RYR2: variants seen among roughly 807,000 people sequenced by gnomAD.
The protein encoded by RYR2 is cardiac muscle ryanodine receptor-calcium release channel.
RYR2 carries 227 observed loss-of-function variants against 601.1 expected under a neutral mutation model. The ratio of observed to expected loss-of-function variants is 0.38; its 90% CI spans 0.34 to 0.42. The LOEUF (loss-of-function observed/expected upper bound fraction) is 0.42, where lower values mean the gene tolerates loss of function less well. Among genes scored for constraint, RYR2 ranks in the 10% least tolerant of loss-of-function variants. The pLI is 1.00. For synonymous variants in RYR2, 2,223 were observed against 2,175.1 expected (o/e 1.02, Z -0.61); for missense variants, 4,646 against 6,156.5 (o/e 0.75, Z 8.21).
intron 4 of RYR2, among the ~76,000 whole-genome samples, chr1:237,358,441 C>A (rs1396255009): frequency 1.3e-5 from 2 of 151,692 alleles, no homozygotes; most frequent in African/African-American, 2.4e-5. Context: ...CAGGAAAGGT[C>A]TGCTTTGATC....
chr1:237,064,703 A>G (rs1663311844), intron 1 of RYR2, among the ~76,000 whole-genome samples: 1 of 148,514 alleles, frequency 6.7e-6, no homozygotes, highest in Non-Finnish European at 1.5e-5. Flanking sequence ...GTCTCATGTG[A>G]ATACCTGCAG....
At chr1:237,350,571 C>CAAAA (rs1167546068) in intron 3 of RYR2, among the ~76,000 whole-genome samples, 16 of 26,962 alleles carry the variant, frequency 5.9e-4, no homozygotes, top group Non-Finnish European at 9.4e-4. Flanking sequence ...GACTCTGTCT[C>CAAAA]AAAAAAAAAA....
At chr1:237,621,374 A>G (rs1298355171) in intron 38 of RYR2, among the ~76,000 whole-genome samples, 2 of 152,140 alleles carry the variant, frequency 1.3e-5, no homozygotes, top group African/African-American at 4.8e-5. Flanking sequence ...AGTAAAATAA[A>G]CCTAAAGCAA....
chr1:237,057,285 A>G (rs1326598553), intron 1 of RYR2, among the ~76,000 whole-genome samples: 5 of 152,036 alleles, frequency 3.3e-5, no homozygotes, highest in African/African-American at 1.2e-4. Context: ...TCCCGGGTTC[A>G]AGCGATTCTT....
At chr1:237,049,876 C>T (rs78437107) in intron 1 of RYR2, among the ~76,000 whole-genome samples, 9,878 of 152,214 alleles carry the variant, frequency 0.065, 393 homozygotes, top group Middle Eastern at 0.15. Context: ...TTGTCCCAGC[C>T]GTGAAGTACT....
At chr1:237,387,118 C>T (rs906389730) in intron 8 of RYR2, among the ~76,000 whole-genome samples, 163 bp from the exon 9 acceptor site, 15 of 152,188 alleles carry the variant, frequency 9.9e-5, no homozygotes, top group Admixed American at 9.8e-4. Context: ...AGAGGAACTT[C>T]TTTTCTTCTG....
At chr1:237,379,211 A>AT (rs1439321977) in intron 8 of RYR2, among the ~76,000 whole-genome samples, 1 of 152,130 alleles carries the variant, frequency 6.6e-6, no homozygotes, top group Admixed American at 6.5e-5. Flanking sequence ...ATAACTATGA[A>AT]TTTTTTCTTG....
intron 84 of RYR2, among the ~76,000 whole-genome samples, chr1:237,763,853 C>G (rs1225395305): frequency 6.6e-6 from 1 of 152,158 alleles, no homozygotes; most frequent in Non-Finnish European, 1.5e-5. Flanking sequence ...TTTGAGATCA[C>G]TCTTTTGTTT....
rs533276245 is a variant in RYR2 at position 237,693,772 on chromosome 1, A to G, written c.9068-5193A>G. Among the ~76,000 whole-genome samples the G allele has an allele frequency of 5.9e-5, 9 of 152,324 alleles. No homozygotes were observed. The South Asian group carries it at 1.9e-3, about 32-fold the overall frequency. On this transcript the variant is annotated intron_variant, in intron 63 of 104. Coordinates refer to ENST00000366574, the MANE Select transcript of RYR2 (RefSeq NM_001035.3). ...GTTTGGAAGAGTTTTAAAAGTAGATACTAAATAAAGTAATACAATGGAGCC... is the reference window on the plus strand; with the variant it reads ...GTTTGGAAGAGTTTTAAAAGTAGATGCTAAATAAAGTAATACAATGGAGCC...
intron 26 of RYR2, among the ~76,000 whole-genome samples, chr1:237,549,041 G>A (rs1180837740): frequency 6.6e-6 from 1 of 152,140 alleles, no homozygotes; most frequent in African/African-American, 2.4e-5. Flanking sequence ...TAACAACCTT[G>A]GTAGGGCAAG....
intron 10 of RYR2, among the ~76,000 whole-genome samples, chr1:237,395,145 C>G (rs903754216): frequency 6.6e-6 from 1 of 152,094 alleles, no homozygotes; most frequent in Non-Finnish European, 1.5e-5. Flanking sequence ...ACCATATCAC[C>G]ATCTTTTAAG....
chr1:237,357,438 A>G (rs939450718), intron 4 of RYR2, among the ~76,000 whole-genome samples: 1 of 152,162 alleles, frequency 6.6e-6, no homozygotes, highest in African/African-American at 2.4e-5. Flanking sequence ...TCTGTGCCAT[A>G]TCTGGATTGG....
At chr1:237,300,923 C>G (rs1389866906) in intron 2 of RYR2, among the ~76,000 whole-genome samples, 2 of 151,942 alleles carry the variant, frequency 1.3e-5, no homozygotes, top group Admixed American at 6.6e-5. Flanking sequence ...TTACAATAAT[C>G]GAAGTGAATT....
In RYR2 at chr1:237,445,403, T is replaced by C; in HGVS notation, c.1173T>C (p.Ala391=). 6.2e-7 allele frequency: 1 copy of C among 1,613,560 alleles called. No individual in the cohort carries two copies. The highest frequency in any genetic ancestry group is 8.5e-7 in the Non-Finnish European group (1 of 1,179,586). The change falls in exon 14 of 105, where the codon GCT becomes GCC. Residue 391 remains alanine, a splice_region_variant and synonymous_variant. Coordinates refer to ENST00000366574, the MANE Select transcript of RYR2 (RefSeq NM_001035.3). ...GCCTTATTTTTGCTTTCTTACAGGC[T>C]ATTATGCATCATGAAGGCCACATGG... ...SVRMGSIQRK[A]IMHHEGHMDD...
chr1:237,364,312 A>G, intron 4 of RYR2, 46 bp from the exon 5 acceptor site: 1 of 1,546,854 alleles, frequency 6.5e-7, no homozygotes, highest in East Asian at 2.4e-5. Context: ...AGTCTTTGAG[A>G]TCGTGTCTAT....
chr1:237,519,306 T>A (rs1216422385), intron 24 of RYR2, among the ~76,000 whole-genome samples: 1 of 152,204 alleles, frequency 6.6e-6, no homozygotes, highest in African/African-American at 2.4e-5. Flanking sequence ...TGTCTATTTT[T>A]GTTTTTGTTG....
chr1:237,538,405 A>T (rs1225875496), intron 25 of RYR2, among the ~76,000 whole-genome samples: 1 of 140,366 alleles, frequency 7.1e-6, no homozygotes, highest in Non-Finnish European at 1.6e-5. Flanking sequence ...AAAAAAAAAA[A>T]AAAAAAAAAA....
At chr1:237,588,615 C>T (rs149251523) in intron 29 of RYR2, among the ~76,000 whole-genome samples, 7,788 of 152,148 alleles carry the variant, frequency 0.051, 606 homozygotes, top group African/African-American at 0.17. Context: ...GGCAGATCAC[C>T]TGAGGTCAGG....
intron 1 of RYR2, among the ~76,000 whole-genome samples, chr1:237,044,364 G>A (rs1214935440): frequency 2.0e-5 from 3 of 152,054 alleles, no homozygotes; most frequent in Admixed American, 6.6e-5. Context: ...GGCTTCCTGC[G>A]GGCTTAACTG....
Sources: allele counts gnomAD v4.1 joint callset (sites outside exome capture counted in the v4.1 genomes callset), GRCh38; gene constraint gnomAD v4.1.1; transcripts MANE v1.5; gene names NCBI Gene and HGNC (gene_info 2026-07-23, HGNC 2026-07-21).